THSD4: variants seen among roughly 807,000 people sequenced by gnomAD.
The protein encoded by THSD4 is thrombospondin type 1 domain containing 4.
THSD4 carries 69 observed loss-of-function variants against 119.0 expected under a neutral mutation model. The observed-to-expected ratio is 0.58, with a 90% CI of 0.48 to 0.71. The LOEUF is 0.71. Among genes scored for constraint, THSD4 ranks in the 30% least tolerant of loss-of-function variants. The pLI is 0.00. For synonymous variants in THSD4, 524 were observed against 540.4 expected (o/e 0.97, Z 0.42); for missense variants, 1,393 against 1,391.1 (o/e 1.00, Z -0.02).
chr15:71,372,094 G>A (rs530207172), intron 6 of THSD4, among the ~76,000 whole-genome samples: 7 of 152,094 alleles, frequency 4.6e-5, no homozygotes, highest in South Asian at 2.1e-4. Context: ...TTGTGCATTC[G>A]TCACGTAGTT....
intron 6 of THSD4, among the ~76,000 whole-genome samples, chr15:71,297,551 G>A (rs2044883472): frequency 1.3e-5 from 2 of 152,120 alleles, no homozygotes; most frequent in South Asian, 2.1e-4. Context: ...GGTCAGGCTG[G>A]TCTTGAACTC....
At chr15:71,429,859 G>A (rs1206619378) in intron 7 of THSD4, among the ~76,000 whole-genome samples, 1 of 152,208 alleles carries the variant, frequency 6.6e-6, no homozygotes, top group African/African-American at 2.4e-5. Context: ...TTAAGAGATG[G>A]TATTGTAGAT....
chr15:71,278,023 C>G (rs2044611578), intron 6 of THSD4, among the ~76,000 whole-genome samples: 2 of 152,058 alleles, frequency 1.3e-5, no homozygotes, highest in African/African-American at 4.8e-5. Flanking sequence ...ATAAAAATAC[C>G]ACCACTACTG....
intron 7 of THSD4, among the ~76,000 whole-genome samples, chr15:71,576,866 T>A (rs1208769233): frequency 2.0e-5 from 3 of 152,210 alleles, no homozygotes; most frequent in Non-Finnish European, 2.9e-5. Flanking sequence ...AACAGCTTTG[T>A]TATACCCTTA....
At chr15:71,358,010 G>A (rs2045843916) in intron 6 of THSD4, among the ~76,000 whole-genome samples, 1 of 152,216 alleles carries the variant, frequency 6.6e-6, no homozygotes, top group African/African-American at 2.4e-5. Context: ...CTCAGCTATA[G>A]ACATGAGAAC....
chr15:71,274,733 G>C (rs1168408004), intron 6 of THSD4, among the ~76,000 whole-genome samples: 2 of 152,150 alleles, frequency 1.3e-5, no homozygotes, highest in Non-Finnish European at 2.9e-5. Flanking sequence ...GAAAATGTAG[G>C]ATATGAGAAA....
chr15:71,544,804 A>G (rs1456650357), intron 7 of THSD4, among the ~76,000 whole-genome samples: 1 of 152,268 alleles, frequency 6.6e-6, no homozygotes, highest in Non-Finnish European at 1.5e-5. Context: ...GTATATCCAT[A>G]CAATGGATAT....
chr15:71,144,964 T>C (rs770283380), intron 2 of THSD4, among the ~76,000 whole-genome samples: 1 of 152,136 alleles, frequency 6.6e-6, no homozygotes, highest in Non-Finnish European at 1.5e-5. Flanking sequence ...CACTAAATGA[T>C]ACAGAATTAT....
intron 8 of THSD4, among the ~76,000 whole-genome samples, chr15:71,708,822 G>A (rs2052446776): frequency 6.6e-6 from 1 of 152,192 alleles, no homozygotes; most frequent in South Asian, 2.1e-4. Context: ...AAAGTGAGGG[G>A]CAAATAGCGT....
chr15:71,542,165 C>T (rs568731862), intron 7 of THSD4, among the ~76,000 whole-genome samples: 3 of 152,284 alleles, frequency 2.0e-5, no homozygotes, highest in Admixed American at 2.0e-4. Context: ...ACCATTAGAA[C>T]ACTGCAGTAA....
chr15:71,674,312 G>A (rs182326771), intron 8 of THSD4, among the ~76,000 whole-genome samples: 1 of 152,148 alleles, frequency 6.6e-6, no homozygotes, highest in Non-Finnish European at 1.5e-5. Context: ...TTCCAGCTGG[G>A]ATGCTCTTGG....
chr15:71,720,069 CTGTT>C (rs2052691879), intron 8 of THSD4, among the ~76,000 whole-genome samples: 1 of 124,890 alleles, frequency 8.0e-6, no homozygotes, highest in Non-Finnish European at 1.6e-5. Context: ...CGGTCCCACT[CTGTT>C]TGAGACAGGG....
intron 1 of THSD4, among the ~76,000 whole-genome samples, chr15:71,104,915 T>G (rs2040268026): frequency 6.6e-6 from 1 of 152,196 alleles, no homozygotes. Context: ...TTAGCCCTTG[T>G]CCGGCACGGC....
chr15:71,454,083 C>A lies in THSD4; in HGVS notation c.1152+42260C>A, dbSNP rs144300887. Among the ~76,000 whole-genome samples, 240 of 152,218 alleles carry A rather than the reference C, an allele frequency of 1.6e-3. 3 individuals carry two copies. Among genetic ancestry groups the A allele is most frequent in the African/African-American group, 5.6e-3 (232 of 41,540 alleles). On this transcript the variant is annotated intron_variant, in intron 7 of 17. Transcript: ENST00000261862. ...ACCAGCCTGGTCAACATGGCAAAAC[C>A]CAACCTCTACTAAAAATACAAAAAT...
chr15:71,694,383 G>A (rs1342795313), intron 8 of THSD4, among the ~76,000 whole-genome samples: 5 of 152,168 alleles, frequency 3.3e-5, no homozygotes, highest in Admixed American at 3.3e-4. Context: ...TTTTAATAAA[G>A]GTCTGGCATC....
chr15:71,284,286 G>C (rs1040264055), intron 6 of THSD4, among the ~76,000 whole-genome samples: 1 of 152,154 alleles, frequency 6.6e-6, no homozygotes, highest in African/African-American at 2.4e-5. Flanking sequence ...AAATTGGGTT[G>C]ATAAAAAGAG....
chr15:71,539,787 C>T (rs1171845792), intron 7 of THSD4, among the ~76,000 whole-genome samples: 1 of 152,180 alleles, frequency 6.6e-6, no homozygotes, highest in African/African-American at 2.4e-5. Context: ...CCCTCCTTTG[C>T]ATCCGTTCTC....
intron 7 of THSD4, among the ~76,000 whole-genome samples, chr15:71,576,106 G>GAAA (rs36055990): frequency 6.7e-6 from 1 of 148,988 alleles, no homozygotes; most frequent in Non-Finnish European, 1.5e-5. Context: ...CTTTTTTGTG[G>GAAA]AAAAAAAAAA....
intron 1 of THSD4, among the ~76,000 whole-genome samples, chr15:71,134,809 G>C (rs77792171): frequency 0.035 from 5,294 of 152,198 alleles, 310 homozygotes; most frequent in African/African-American, 0.12. Flanking sequence ...TTTAATGATT[G>C]CCATTCTAAG....
Sources: allele counts gnomAD v4.1 joint callset (sites outside exome capture counted in the v4.1 genomes callset), GRCh38; gene constraint gnomAD v4.1.1; transcripts MANE v1.5; gene names NCBI Gene and HGNC (gene_info 2026-07-23, HGNC 2026-07-21).